WDHD1: variants seen among roughly 807,000 people sequenced by gnomAD.
WDHD1 encodes WD repeat and HMG-box DNA binding protein 1.
A neutral mutation model predicts 135.4 loss-of-function variants in WDHD1; 111 were observed. The observed-to-expected ratio is 0.82, with a 90% CI of 0.70 to 0.96. The LOEUF (loss-of-function observed/expected upper bound fraction) is 0.96, where lower values mean the gene tolerates loss of function less well. Among genes scored for constraint, WDHD1 ranks in the 40% least tolerant of loss-of-function variants. The probability of loss-of-function intolerance (pLI) is 0.00; values close to 1 mark genes in which losing one functional copy is unlikely to be tolerated. For synonymous variants in WDHD1, 434 were observed against 439.0 expected (o/e 0.99, Z 0.14); for missense variants, 1,351 against 1,336.3 (o/e 1.01, Z -0.17).
intron 11 of WDHD1, among the ~76,000 whole-genome samples, chr14:54,995,088 T>C (rs1442816641): frequency 6.6e-6 from 1 of 152,052 alleles, no homozygotes; most frequent in Non-Finnish European, 1.5e-5. Context: ...TTCAAGTGAG[T>C]TTCCTGCCTC....
intron 24 of WDHD1, among the ~76,000 whole-genome samples, chr14:54,951,445 G>A (rs957800131): frequency 1.3e-5 from 2 of 151,852 alleles, no homozygotes; most frequent in African/African-American, 2.4e-5. Context: ...AAGACTAAAC[G>A]AGGAAGAAGT....
intron 12 of WDHD1, 51 bp from the exon 13 acceptor site, chr14:54,989,263 G>C (rs1195551045): frequency 7.2e-7 from 1 of 1,389,950 alleles, no homozygotes; most frequent in Non-Finnish European, 9.9e-7. Context: ...GAAGCTCCTA[G>C]AATCAGTAAG....
chr14:54,958,084 C>T (rs893592689), intron 21 of WDHD1, among the ~76,000 whole-genome samples: 1 of 151,836 alleles, frequency 6.6e-6, no homozygotes, highest in African/African-American at 2.4e-5. Flanking sequence ...CTCTACCCCA[C>T]ATTCCTTCCA....
intron 24 of WDHD1, among the ~76,000 whole-genome samples, chr14:54,949,591 C>T (rs953456901): frequency 1.3e-5 from 2 of 152,180 alleles, no homozygotes; most frequent in African/African-American, 4.8e-5. Flanking sequence ...GGATACTATC[C>T]AGGAGAACTT....
In WDHD1 at chr14:55,016,424, A is replaced by T. The variant is rs1594593149; in HGVS notation, c.78-2828T>A. On this transcript the variant is annotated intron_variant, in intron 2 of 25. Transcript: ENST00000360586. ...TTGTTGACATTTACCACGGGGCTAC[A>T]GTCATACTATAGTGATAACACCAAC... 2.6e-5 allele frequency among the ~76,000 whole-genome samples: 4 copies of T among 152,366 alleles called. No individual in the cohort carries two copies. In the South Asian group the frequency reaches 8.3e-4, roughly 32 times the overall value.
chr14:54,974,208 G>C (rs2041484792), intron 16 of WDHD1, among the ~76,000 whole-genome samples: 2 of 151,910 alleles, frequency 1.3e-5, no homozygotes, highest in African/African-American at 4.8e-5. Flanking sequence ...GATCGCTTGA[G>C]CTCAGGAGCT....
chr14:54,948,743 G>C (rs2040979879), intron 24 of WDHD1, among the ~76,000 whole-genome samples: 1 of 152,212 alleles, frequency 6.6e-6, no homozygotes, highest in African/African-American at 2.4e-5. Flanking sequence ...AGCCTAACTG[G>C]GAGGCACCCC....
chr14:54,978,672 A>T (rs2041566672), intron 16 of WDHD1, among the ~76,000 whole-genome samples: 1 of 152,182 alleles, frequency 6.6e-6, no homozygotes, highest in South Asian at 2.1e-4. Flanking sequence ...TTACAACTGT[A>T]AAGGCAAAAC....
At chr14:55,000,725 G>A in intron 9 of WDHD1, 81 bp from the exon 10 acceptor site, 1 of 1,226,912 alleles carries the variant, frequency 8.2e-7, no homozygotes. Context: ...TTTTAGTTAG[G>A]AAAGAATAAA....
intron 15 of WDHD1, among the ~76,000 whole-genome samples, 176 bp from the exon 16 acceptor site, chr14:54,981,872 C>T (rs2041623736): frequency 6.6e-6 from 1 of 151,384 alleles, no homozygotes; most frequent in South Asian, 2.1e-4. Context: ...TAAAGTAAGA[C>T]CTAACTAAAA....
chr14:54,948,908 C>G (rs1331531372), intron 24 of WDHD1, among the ~76,000 whole-genome samples: 4 of 152,158 alleles, frequency 2.6e-5, no homozygotes, highest in African/African-American at 9.7e-5. Flanking sequence ...AGTGGGCCTC[C>G]AGCAAACTCC....
Position 54,941,707 on chromosome 14 carries a change from G to A in WDHD1, c.3190-17C>T, listed in dbSNP as rs368472242. The A allele has an allele frequency of 5.8e-5, 92 of 1,582,858 alleles. No individual in the cohort carries two copies. Among genetic ancestry groups the A allele is most frequent in the Non-Finnish European group, 7.2e-5 (84 of 1,167,748 alleles). On this transcript the variant is annotated splice_polypyrimidine_tract_variant and intron_variant, in intron 25 of 25. Coordinates refer to ENST00000360586, the MANE Select transcript of WDHD1 (RefSeq NM_007086.4). ...AGCCCACACCTTTGTAAAATGGCAGGAGTGAAAAGGAAAGATTTTTAGAAA... is the reference window on the plus strand; with the variant it reads ...AGCCCACACCTTTGTAAAATGGCAGAAGTGAAAAGGAAAGATTTTTAGAAA...
At chr14:54,989,344 A>C (rs2041747786) in intron 12 of WDHD1, 132 bp from the exon 13 acceptor site, 3 of 575,106 alleles carry the variant, frequency 5.2e-6, no homozygotes, top group Admixed American at 6.9e-5. Context: ...GAGTTACTAC[A>C]TCTCATCTAT....
intron 25 of WDHD1, 63 bp from the exon 26 acceptor site, chr14:54,941,753 G>T: frequency 7.3e-7 from 1 of 1,366,684 alleles, no homozygotes; most frequent in South Asian, 1.3e-5. Flanking sequence ...AGAAGTAAAT[G>T]ATTTATTTAC....
intron 15 of WDHD1, among the ~76,000 whole-genome samples, chr14:54,984,188 G>A (rs2041661807): frequency 6.6e-6 from 1 of 152,158 alleles, no homozygotes; most frequent in African/African-American, 2.4e-5. Context: ...GTTTTCTAAT[G>A]AGAATTCTCA....
At position 55,010,325 on chromosome 14, in the gene WDHD1, T is replaced by G. The variant is rs141575552; in HGVS notation, c.325A>C (p.Ile109Leu). 4 of 1,604,824 alleles carry G rather than the reference T, an allele frequency of 2.5e-6. No individual in the cohort carries two copies. In the African/African-American group the frequency reaches 5.4e-5, roughly 22 times the overall value. The change falls in exon 4 of 26, where the codon ATT becomes CTT. Residue 109 changes from isoleucine (I) to leucine (L), a missense_variant. Ile to Leu is a conservative substitution (Grantham distance 5). Transcript: ENST00000360586. ...HVVFNGDGTK[I>L]AAGSSDFLVK... is the part of the protein sequence containing the mutation. ...GAGCCTTACCTAGATCCAGCAGCAA[T>G]TTTAGTACCATCCCCATTAAAGACC...
At chr14:55,007,028 A>G (rs189757282) in intron 7 of WDHD1, among the ~76,000 whole-genome samples, 29 of 152,130 alleles carry the variant, frequency 1.9e-4, no homozygotes, top group Non-Finnish European at 4.4e-5. Context: ...GGAGTTCGAG[A>G]CCAGCCTGGG....
chr14:54,944,466 T>C lies in WDHD1; in HGVS notation c.3055A>G (p.Lys1019Glu). 6.3e-7 allele frequency: 1 copy of C among 1,583,326 alleles called. No homozygotes were observed. Among genetic ancestry groups the C allele is most frequent in the South Asian group, 1.2e-5 (1 of 85,156 alleles). The change falls in exon 25 of 26, where the codon AAG becomes GAG. Residue 1019 changes from lysine to glutamate, a missense_variant. By Grantham distance (56) the Lys-to-Glu change is moderately conservative. Coordinates refer to ENST00000360586, the MANE Select transcript of WDHD1 (RefSeq NM_007086.4). The part of the protein sequence containing the change: ...PPQNTENQRP[K>E]TGFQMWLEEN... ...TCTAACCACATCTGGAACCCGGTCT[T>C]TGGCCTAAAATCACAATTATGTGAA...
intron 16 of WDHD1, 116 bp downstream of exon 16, chr14:54,981,424 T>A: frequency 2.0e-6 from 2 of 990,534 alleles, no homozygotes; most frequent in Non-Finnish European, 1.5e-6. Flanking sequence ...TTAGTGACTA[T>A]GGAAAGCAAG....
Sources: gnomAD v4.1 joint callset for allele counts (sites outside exome capture counted in the v4.1 genomes callset) on GRCh38, gnomAD v4.1.1 for gene constraint, MANE v1.5 for transcripts, NCBI Gene and HGNC (gene_info 2026-07-23, HGNC 2026-07-21) for gene names.